PLCG2: variants seen among roughly 807,000 people sequenced by gnomAD.
The protein encoded by PLCG2 is phospholipase C gamma 2.
Under a neutral mutation model 175.6 loss-of-function variants are expected in PLCG2, and 69 were observed. The ratio of observed to expected loss-of-function variants is 0.39; its 90% CI spans 0.32 to 0.48. PLCG2 has a LOEUF of 0.48. Among genes scored for constraint, PLCG2 ranks in the 20% least tolerant of loss-of-function variants. PLCG2 has a pLI of 0.91. For missense variants in PLCG2, 1,798 were observed against 1,650.9 expected (o/e 1.09, Z -1.54); for synonymous variants, 827 against 624.0 (o/e 1.33, Z -4.85).
chr16:81,809,155 G>A (rs1049756653), intron 2 of PLCG2, among the ~76,000 whole-genome samples: 1 of 152,172 alleles, frequency 6.6e-6, no homozygotes, highest in Non-Finnish European at 1.5e-5. Context: ...AACTGAAACT[G>A]TTGCAGACAC....
At chr16:81,881,565 G>A (rs1022682192) in intron 8 of PLCG2, among the ~76,000 whole-genome samples, 5 of 152,294 alleles carry the variant, frequency 3.3e-5, no homozygotes, top group African/African-American at 7.2e-5. Flanking sequence ...AGTCTTTATC[G>A]GTGAGCAACT....
intron 2 of PLCG2, among the ~76,000 whole-genome samples, chr16:81,846,262 G>T (rs1906110875): frequency 1.3e-5 from 2 of 152,184 alleles, no homozygotes; most frequent in South Asian, 4.1e-4. Context: ...CCTTCAGGAG[G>T]ACCTACTTTT....
chr16:81,899,679 C>T (rs1909059445), intron 13 of PLCG2, among the ~76,000 whole-genome samples: 2 of 152,156 alleles, frequency 1.3e-5, no homozygotes, highest in Non-Finnish European at 1.5e-5. Flanking sequence ...TGGCCCGAAG[C>T]ACAGTGGTGA....
intron 4 of PLCG2, 77 bp downstream of exon 4, chr16:81,858,433 G>A: frequency 2.2e-6 from 2 of 927,374 alleles, no homozygotes; most frequent in Non-Finnish European, 1.7e-6. Flanking sequence ...ATGGGCTACA[G>A]GGGGGAAAAA....
chr16:81,953,963 G>C (rs994006940), intron 31 of PLCG2, among the ~76,000 whole-genome samples: 1 of 152,162 alleles, frequency 6.6e-6, no homozygotes, highest in Non-Finnish European at 1.5e-5. Context: ...TTTCTTCTAG[G>C]TGCAGAAAAG....
rs41305765 is a variant in PLCG2, at chr16:81,912,763, A to C, written c.2054+47A>C. Reference sequence around the variant, plus strand: ...ACATGCTCTACAGAGGGGCTTGGCAAGGACAGATGCGGAGAGACAAGGGGG... The same window carrying C: ...ACATGCTCTACAGAGGGGCTTGGCACGGACAGATGCGGAGAGACAAGGGGG... On this transcript the variant is annotated intron_variant, in intron 19 of 32. Coordinates refer to ENST00000564138, the MANE Select transcript of PLCG2 (RefSeq NM_002661.5). The C allele has an allele frequency of 0.098, 149,960 of 1,526,582 alleles. 8,179 individuals are homozygous for C. Among genetic ancestry groups the C allele is most frequent in the African/African-American group, 0.15 (10,845 of 71,824 alleles). The allele number at this position is 1,526,582 out of a possible 1,614,324, so 94.6% of individuals were successfully genotyped here. A position where few individuals can be genotyped will look rare whatever the true frequency, so the allele number is the denominator to read the frequency against.
intron 2 of PLCG2, among the ~76,000 whole-genome samples, chr16:81,825,518 C>T (rs1360358038): frequency 6.6e-6 from 1 of 152,106 alleles, no homozygotes. Context: ...TGGTCTCCAA[C>T]TCCTGACCTC....
intron 24 of PLCG2, among the ~76,000 whole-genome samples, chr16:81,931,072 T>C (rs1910482739): frequency 1.3e-5 from 2 of 152,300 alleles, no homozygotes; most frequent in African/African-American, 4.8e-5. Flanking sequence ...CAAGAGGGTA[T>C]TTTTTTCAGG....
At chr16:81,796,621 T>C (rs942432345) in intron 2 of PLCG2, among the ~76,000 whole-genome samples, 2 of 152,194 alleles carry the variant, frequency 1.3e-5, no homozygotes, top group African/African-American at 4.8e-5. Context: ...GCAGATGTAA[T>C]TAGTTGAGAT....
intron 7 of PLCG2, among the ~76,000 whole-genome samples, chr16:81,873,115 T>C (rs1336272208): frequency 6.6e-6 from 1 of 152,198 alleles, no homozygotes; most frequent in African/African-American, 2.4e-5. Flanking sequence ...CCAAATGAAA[T>C]AGAAAGATTG....
At chr16:81,891,833 G>C (rs549429850) in intron 11 of PLCG2, among the ~76,000 whole-genome samples, 1 of 152,236 alleles carries the variant, frequency 6.6e-6, no homozygotes, top group African/African-American at 2.4e-5. Context: ...AAAAACAAAA[G>C]TAACTTAGTT....
chr16:81,859,654 C>A (rs1906865368), intron 5 of PLCG2, among the ~76,000 whole-genome samples: 1 of 152,116 alleles, frequency 6.6e-6, no homozygotes, highest in Non-Finnish European at 1.5e-5. Context: ...CCTGCCTCAG[C>A]CTCCCAAGTA....
At chr16:81,753,342 GTTTTTTTTT>G (rs34438350) in intron 1 of PLCG2, among the ~76,000 whole-genome samples, 1 of 91,124 alleles carries the variant, frequency 1.1e-5, no homozygotes, top group African/African-American at 4.2e-5. Flanking sequence ...GTCCTGGCAG[GTTTTTTTTT>G]TTTTTTTTTT....
At chr16:81,896,839 A>G (rs1174694792) in intron 13 of PLCG2, among the ~76,000 whole-genome samples, 1 of 152,166 alleles carries the variant, frequency 6.6e-6, no homozygotes, top group African/African-American at 2.4e-5. Flanking sequence ...TCCCCATTTA[A>G]CAGATGAGTA....
At chr16:81,912,795 A>G in intron 19 of PLCG2, 79 bp downstream of exon 19, 1 of 1,471,958 alleles carries the variant, frequency 6.8e-7, no homozygotes, top group Non-Finnish European at 9.0e-7. Context: ...GGGGAACTTC[A>G]GGTGGAGGCT....
Position 81,877,442 on chromosome 16 carries a change from G to A in PLCG2, c.649-3468G>A, listed in dbSNP as rs12596760. On this transcript the variant is annotated intron_variant, in intron 7 of 32. Transcript: ENST00000564138. ...TGCACTCCAGCCTGGGCGACACAGC[G>A]AGACTCCGTCTCAAACAAACAAAAC... 3.4e-3 allele frequency among the ~76,000 whole-genome samples: 523 copies of A among 152,314 alleles called. 9 individuals carry two copies. The highest frequency in any genetic ancestry group is 5.2e-3 in the East Asian group (27 of 5,180).
At chr16:81,870,973 C>G in intron 7 of PLCG2, 38 bp downstream of exon 7, 1 of 1,154,228 alleles carries the variant, frequency 8.7e-7, no homozygotes, top group Non-Finnish European at 1.3e-6. Flanking sequence ...AGTGATGTTT[C>G]TGTTTTCCAT....
chr16:81,952,334 C>T (rs922159161), intron 31 of PLCG2, among the ~76,000 whole-genome samples: 6 of 151,998 alleles, frequency 3.9e-5, no homozygotes, highest in Non-Finnish European at 7.4e-5. Flanking sequence ...CATACATATC[C>T]TAGCTCACTC....
chr16:81,948,616 G>A (rs890756927), intron 31 of PLCG2, among the ~76,000 whole-genome samples: 3 of 152,202 alleles, frequency 2.0e-5, no homozygotes, highest in Admixed American at 2.0e-4. Flanking sequence ...TGGAGGTCCA[G>A]GACTGGGAGC....
Sources: allele counts gnomAD v4.1 joint callset (sites outside exome capture counted in the v4.1 genomes callset), GRCh38; gene constraint gnomAD v4.1.1; transcripts MANE v1.5; gene names NCBI Gene and HGNC (gene_info 2026-07-23, HGNC 2026-07-21).